PSMC2: variants seen among roughly 807,000 people sequenced by gnomAD.
PSMC2 encodes proteasome 26S subunit, ATPase 2.
PSMC2 carries 7 observed loss-of-function variants against 53.3 expected under a neutral mutation model. The observed-to-expected ratio is 0.13, with a 90% CI of 0.07 to 0.25. PSMC2 has a LOEUF of 0.25. Among genes scored for constraint, PSMC2 ranks in the 10% least tolerant of loss-of-function variants. The pLI is 1.00. For missense variants in PSMC2, 241 were observed against 544.0 expected (o/e 0.44, Z 5.54); for synonymous variants, 169 against 183.9 (o/e 0.92, Z 0.66).
At chr7:103,358,403 C>T (rs529385236) in intron 4 of PSMC2, among the ~76,000 whole-genome samples, 1 of 152,160 alleles carries the variant, frequency 6.6e-6, no homozygotes, top group African/African-American at 2.4e-5. Flanking sequence ...AATTTCTTTC[C>T]TTCCGTTTTC....
At chr7:103,358,666 T>C (rs541672027) in intron 4 of PSMC2, among the ~76,000 whole-genome samples, 4 of 152,228 alleles carry the variant, frequency 2.6e-5, no homozygotes, top group Admixed American at 2.0e-4. Context: ...CTTTCATTTT[T>C]GTGTGTGTGT....
In PSMC2 at chr7:103,368,085, A is replaced by G. The variant is rs747566781; in HGVS notation, c.*31A>G. 1 of 1,573,212 alleles carries G rather than the reference A, an allele frequency of 6.4e-7. No individual in the cohort carries two copies. Among genetic ancestry groups the G allele is most frequent in the Non-Finnish European group, 8.7e-7 (1 of 1,156,004 alleles). On this transcript the variant is annotated 3_prime_UTR_variant, in exon 12 of 12. Coordinates refer to ENST00000292644, the MANE Select transcript of PSMC2 (RefSeq NM_002803.4). Reference sequence around the variant, plus strand: ...GAAGGCTTTCAAGTGAAAACTTTAAATTGGAATCCTAACCTTATATAGACT... The same window carrying G: ...GAAGGCTTTCAAGTGAAAACTTTAAGTTGGAATCCTAACCTTATATAGACT...
chr7:103,361,855 G>C (rs1820433511), intron 4 of PSMC2, 102 bp from the exon 5 acceptor site: 1 of 1,185,396 alleles, frequency 8.4e-7, no homozygotes, highest in Admixed American at 2.8e-5. Flanking sequence ...TGTAGTTCTA[G>C]TTTATACCTG....
Position 103,351,540 on chromosome 7 carries a change from A to G in PSMC2, c.71-2381A>G, listed in dbSNP as rs80312458. 5.4e-3 allele frequency among the ~76,000 whole-genome samples: 819 copies of G among 152,314 alleles called. 9 individuals are homozygous for G. The highest frequency in any genetic ancestry group is 0.018 in the African/African-American group (738 of 41,566). On this transcript the variant is annotated intron_variant, in intron 1 of 11. Transcript: ENST00000292644. ...AAAATTCTAGACTCCCTGAAGGAAGATAAGTGTTCTGCATAAACCCTGTAG... is the reference window on the plus strand; with the variant it reads ...AAAATTCTAGACTCCCTGAAGGAAGGTAAGTGTTCTGCATAAACCCTGTAG...
At chr7:103,360,712 T>A (rs1470466251) in intron 4 of PSMC2, among the ~76,000 whole-genome samples, 2 of 152,248 alleles carry the variant, frequency 1.3e-5, no homozygotes, top group Non-Finnish European at 2.9e-5. Context: ...AGTAGATAGA[T>A]ACTATAGAAG....
chr7:103,354,042 G>A, intron 2 of PSMC2, 84 bp downstream of exon 2: 5 of 1,114,722 alleles, frequency 4.5e-6, no homozygotes, highest in South Asian at 1.6e-5. Context: ...AAAATAATTA[G>A]AAGAAGTTAA....
At position 103,367,410 on chromosome 7, in the gene PSMC2, C is replaced by T. The variant is rs1470658593; in HGVS notation, c.845-3C>T. Reference sequence around the variant, plus strand: ...GAGCTTATCTTTCCTTTTGTCTTCTCAGGGGCTCGTTTTGATGATGGTGCT... The same window carrying T: ...GAGCTTATCTTTCCTTTTGTCTTCTTAGGGGCTCGTTTTGATGATGGTGCT... On this transcript the variant is annotated splice_polypyrimidine_tract_variant and splice_region_variant and intron_variant, in intron 9 of 11. Coordinates refer to ENST00000292644, the MANE Select transcript of PSMC2 (RefSeq NM_002803.4). This position sits in a 1 kb window ranked among gnomAD's most constrained non-coding sequence, Gnocchi z 6.1. The T allele has an allele frequency of 7.4e-6, 12 of 1,613,100 alleles. No individual in the cohort carries two copies. Among genetic ancestry groups the T allele is most frequent in the African/African-American group, 2.7e-5 (2 of 74,854 alleles).
rs1174917757 is a variant in PSMC2, at chr7:103,364,151, G to T, written c.600G>T (p.Arg200Ser). 3.7e-6 allele frequency: 6 copies of T among 1,613,882 alleles called. No homozygotes were observed. The highest frequency in any genetic ancestry group is 5.1e-6 in the Non-Finnish European group (6 of 1,179,956). The change falls in exon 8 of 12, where the codon AGG becomes AGT. Residue 200 changes from arginine to serine, a missense_variant. Arg to Ser is a moderately radical substitution (Grantham distance 110). Around this residue, in one of 6 missense-constraint regions of PSMC2, gnomAD observed 75 missense variants for 185.1 expected, o/e 0.41. Transcript: ENST00000292644. ...VVETPLLHPE[R>S]FVNLGIEPPK... ...TTGTGTCTCTATCACAGCCAGAGAG[G>T]TTTGTGAACCTTGGCATTGAGCCTC...
intron 8 of PSMC2, among the ~76,000 whole-genome samples, chr7:103,364,974 TATATATA>T (rs1195252454): frequency 7.6e-5 from 11 of 145,148 alleles, no homozygotes; most frequent in Non-Finnish European, 1.4e-4. Flanking sequence ...TATATATATA[TATATATA>T]TATTTAGAGA....
chr7:103,357,589 A>ACG (rs1363381373), intron 4 of PSMC2, among the ~76,000 whole-genome samples: 1 of 152,138 alleles, frequency 6.6e-6, no homozygotes, highest in Non-Finnish European at 1.5e-5. Flanking sequence ...CCTTGAAGGC[A>ACG]CACCTTTCCT....
intron 8 of PSMC2, among the ~76,000 whole-genome samples, chr7:103,365,501 T>C (rs1429948609): frequency 3.3e-5 from 5 of 151,980 alleles, no homozygotes; most frequent in Non-Finnish European, 5.9e-5. Context: ...TGGTGGCGCA[T>C]GTCTGTAATC....
chr7:103,355,559 A>T (rs2116159968), intron 3 of PSMC2, 135 bp from the exon 4 acceptor site: 1 of 622,054 alleles, frequency 1.6e-6, no homozygotes, highest in Non-Finnish European at 2.8e-6. Flanking sequence ...GATGCTACTA[A>T]ACAGTCTATA....
At chr7:103,363,260 A>G in intron 6 of PSMC2, 84 bp from the exon 7 acceptor site, 1 of 1,048,752 alleles carries the variant, frequency 9.5e-7, no homozygotes, top group Non-Finnish European at 1.4e-6. Context: ...TTTTTCTTTT[A>G]AGGTATTAGG....
chr7:103,349,741 C>A (rs532681334), intron 1 of PSMC2, among the ~76,000 whole-genome samples: 11 of 152,272 alleles, frequency 7.2e-5, no homozygotes, highest in Admixed American at 1.3e-4. Context: ...TGAGCCACCG[C>A]GTCTAGCCTG....
rs1338424360 is a variant in PSMC2 at position 103,367,081 on chromosome 7, A to C, written c.845-332A>C. Among the ~76,000 whole-genome samples, 1 of 152,206 alleles carries C rather than the reference A, an allele frequency of 6.6e-6. No homozygotes were observed. The highest frequency in any genetic ancestry group is 1.5e-5 in the Non-Finnish European group (1 of 68,028). The stretch of plus-strand genomic sequence containing the variant: ...CTCTGAGCCTCAGTTTGCTCATCTT[A>C]TAAAGGGAATAATTGTTGTCTTGTG... On this transcript the variant is annotated intron_variant, in intron 9 of 11. Coordinates refer to ENST00000292644, the MANE Select transcript of PSMC2 (RefSeq NM_002803.4). This position sits in a 1 kb window ranked among gnomAD's most constrained non-coding sequence, Gnocchi z 6.1.
chr7:103,352,277 C>T (rs1006027078), intron 1 of PSMC2, among the ~76,000 whole-genome samples: 15 of 118,280 alleles, frequency 1.3e-4, no homozygotes, highest in African/African-American at 4.7e-4. Context: ...AAAATATGTA[C>T]GATTGTATGA....
At chr7:103,363,582 G>A in intron 7 of PSMC2, 143 bp downstream of exon 7, 1 of 722,886 alleles carries the variant, frequency 1.4e-6, no homozygotes, top group Non-Finnish European at 2.3e-6. Context: ...AGGAGGTGTG[G>A]AGAGTTGGTA....
chr7:103,350,588 A>T (rs1289257958), intron 1 of PSMC2, among the ~76,000 whole-genome samples: 1 of 152,134 alleles, frequency 6.6e-6, no homozygotes, highest in African/African-American at 2.4e-5. Flanking sequence ...TCCTGGGCTA[A>T]AACCATTCTC....
chr7:103,361,549 A>T (rs996303536), intron 4 of PSMC2, among the ~76,000 whole-genome samples: 1 of 151,598 alleles, frequency 6.6e-6, no homozygotes. Flanking sequence ...ACGGATTTAA[A>T]GTATAAACTC....
Sources: gnomAD v4.1 joint callset for allele counts (sites outside exome capture counted in the v4.1 genomes callset) on GRCh38, gnomAD v4.1.1 for gene constraint, gnomAD v4.1.1 regional missense constraint, Gnocchi (gnomAD v3.1) non-coding constraint, MANE v1.5 for transcripts, NCBI Gene and HGNC (gene_info 2026-07-23, HGNC 2026-07-21) for gene names.